GPR155: variants seen among roughly 807,000 people sequenced by gnomAD.
GPR155 encodes the protein lysosomal cholesterol signaling protein.
A neutral mutation model predicts 93.1 loss-of-function variants in GPR155; 65 were observed. The ratio of observed to expected loss-of-function variants is 0.70; its 90% CI spans 0.57 to 0.86. GPR155 has a LOEUF of 0.86. Ranked by LOEUF, GPR155 falls within the 40% of genes least tolerant of loss-of-function variation. GPR155 has a pLI of 0.00. For synonymous variants in GPR155, 319 were observed against 360.1 expected (o/e 0.89, Z 1.29); for missense variants, 838 against 1,034.8 (o/e 0.81, Z 2.61).
intron 10 of GPR155, 32 bp from the exon 11 acceptor site, chr2:174,453,873 G>C: frequency 7.2e-7 from 1 of 1,395,200 alleles, no homozygotes; most frequent in Non-Finnish European, 1.0e-6. Context: ...TGAGAGTAGA[G>C]CCCAACCACA....
chr2:174,448,530 G>GTTTTTTTTTTT (rs565221876), intron 11 of GPR155, among the ~76,000 whole-genome samples: 1 of 100,964 alleles, frequency 9.9e-6, no homozygotes, highest in African/African-American at 4.1e-5. Flanking sequence ...TTTGTTTTTT[G>GTTTTTTTTTTT]TTTTTTTTTT....
intron 10 of GPR155, among the ~76,000 whole-genome samples, chr2:174,457,722 T>C (rs925984567): frequency 1.3e-5 from 2 of 152,178 alleles, no homozygotes; most frequent in African/African-American, 4.8e-5. Context: ...CCCAAAGTTC[T>C]GGGATTAGAG....
intron 15 of GPR155, among the ~76,000 whole-genome samples, chr2:174,437,582 T>C (rs1028523897): frequency 7.7e-6 from 1 of 129,058 alleles, no homozygotes; most frequent in Non-Finnish European, 1.7e-5. Context: ...AACACCTTTT[T>C]TTTTTTTTTT....
At position 174,440,010 on chromosome 2, in the gene GPR155, C is replaced by T; in HGVS notation, c.2200G>A (p.Asp734Asn). 6.2e-7 allele frequency: 1 copy of T among 1,610,472 alleles called. No homozygotes were observed. The highest frequency in any genetic ancestry group is 8.5e-7 in the Non-Finnish European group (1 of 1,178,460). Residue 734 changes from aspartate to asparagine, a missense_variant, in exon 15 of 16, where the codon GAC becomes AAC. Physicochemically the swap from Asp to Asn is conservative, Grantham distance 23 (BLOSUM62 1). Coordinates refer to ENST00000392552, the MANE Select transcript of GPR155 (RefSeq NM_152529.7). ...RRLEFLWNNKDTAENRDSPVS... is the reference protein window; with the variant it reads ...RRLEFLWNNKNTAENRDSPVS... ...GGAGAATCCCTGTTTTCTGCTGTGT[C>T]TTTATTGTTCCATAGGAATTCAAGT...
At chr2:174,441,415 T>A (rs896965505) in intron 14 of GPR155, among the ~76,000 whole-genome samples, 58 of 151,312 alleles carry the variant, frequency 3.8e-4, no homozygotes, top group Non-Finnish European at 8.1e-4. Flanking sequence ...TATATATATT[T>A]AAAAAATTTT....
chr2:174,454,647 A>G (rs1687436192), intron 10 of GPR155, among the ~76,000 whole-genome samples: 1 of 131,024 alleles, frequency 7.6e-6, no homozygotes, highest in African/African-American at 2.9e-5. Context: ...GGAAGGAAGG[A>G]GGGAGGGAAG....
Position 174,439,244 on chromosome 2 carries a change from ATTTTG to A in GPR155, c.2312+649_2312+653del, listed in dbSNP as rs1351709670. Among the ~76,000 whole-genome samples the A allele has an allele frequency of 6.6e-5, 10 of 152,184 alleles. No individual in the cohort carries two copies. In the East Asian group the frequency reaches 7.7e-4, roughly 12 times the overall value. ...GACATAAAAGTATTTGGTTCTTTAT[ATTTTG>A]TTTTGTTTTCTCTTTTATGACAAAG... On this transcript the variant is annotated intron_variant, in intron 15 of 15. Coordinates refer to ENST00000392552, the MANE Select transcript of GPR155 (RefSeq NM_152529.7).
At chr2:174,448,530 GTTTTT>G (rs565221876) in intron 11 of GPR155, among the ~76,000 whole-genome samples, 1,261 of 100,958 alleles carry the variant, frequency 0.012, 20 homozygotes, top group African/African-American at 0.04. Context: ...TTTGTTTTTT[GTTTTT>G]TTTTTTTTTT....
chr2:174,462,256 G>T (rs1026949751), intron 7 of GPR155, among the ~76,000 whole-genome samples: 2 of 151,946 alleles, frequency 1.3e-5, no homozygotes, highest in African/African-American at 4.8e-5. Flanking sequence ...CTCTCCAAAA[G>T]CCCTAATCAT....
At chr2:174,451,341 A>G (rs368444868) in intron 11 of GPR155, among the ~76,000 whole-genome samples, 1 of 151,972 alleles carries the variant, frequency 6.6e-6, no homozygotes, top group African/African-American at 2.4e-5. Flanking sequence ...TTATACAGAT[A>G]TTACAAAAAT....
intron 1 of GPR155, among the ~76,000 whole-genome samples, chr2:174,482,406 T>A (rs1039060499): frequency 3.3e-5 from 5 of 152,150 alleles, no homozygotes; most frequent in Admixed American, 3.3e-4. Flanking sequence ...TCCCCATGCA[T>A]CCAAATTCTC....
chr2:174,437,886 T>C (rs372768179), intron 15 of GPR155, among the ~76,000 whole-genome samples: 5 of 151,570 alleles, frequency 3.3e-5, no homozygotes, highest in African/African-American at 1.2e-4. Flanking sequence ...GCCTGGCCTA[T>C]AGCCTGACAC....
At position 174,455,818 on chromosome 2, in the gene GPR155, C is replaced by T. The variant is rs118011195; in HGVS notation, c.1772-1977G>A. On this transcript the variant is annotated intron_variant, in intron 10 of 15. Coordinates refer to ENST00000392552, the MANE Select transcript of GPR155 (RefSeq NM_152529.7). ...TGACAAAGAGAACAAGTGCTGTCCA[C>T]GTATTCAGAAAGAGACGTAAATAAT... Among the ~76,000 whole-genome samples the T allele has an allele frequency of 2.0e-3, 307 of 152,254 alleles. 7 individuals carry two copies. The South Asian group carries it at 0.04, about 20-fold the overall frequency.
chr2:174,473,625 A>C (rs1054463519), intron 2 of GPR155, among the ~76,000 whole-genome samples: 5 of 152,370 alleles, frequency 3.3e-5, no homozygotes, highest in Non-Finnish European at 7.3e-5. Context: ...TAAGGGTTAA[A>C]ATTAGTCTCC....
intron 1 of GPR155, among the ~76,000 whole-genome samples, chr2:174,482,336 C>T (rs1198157572): frequency 2.6e-5 from 4 of 152,158 alleles, no homozygotes; most frequent in Non-Finnish European, 5.9e-5. Flanking sequence ...TGATTCTCTC[C>T]ATCAATTGAG....
At chr2:174,483,316 TAA>T (rs1447945835) in intron 1 of GPR155, among the ~76,000 whole-genome samples, 3 of 152,222 alleles carry the variant, frequency 2.0e-5, no homozygotes, top group African/African-American at 7.2e-5. Context: ...TAAAGTATTA[TAA>T]GTTTTCCACT....
intron 2 of GPR155, among the ~76,000 whole-genome samples, chr2:174,476,811 C>CT (rs985391365): frequency 2.0e-5 from 3 of 152,170 alleles, no homozygotes; most frequent in East Asian, 1.9e-4. Context: ...TTAATATCTC[C>CT]TTTTTTTACC....
At chr2:174,468,076 T>C (rs1363557478) in intron 5 of GPR155, among the ~76,000 whole-genome samples, 8 of 152,204 alleles carry the variant, frequency 5.3e-5, no homozygotes, top group African/African-American at 1.7e-4. Flanking sequence ...CCATTCTACC[T>C]ACGTATTGGC....
intron 2 of GPR155, among the ~76,000 whole-genome samples, chr2:174,479,303 T>G (rs1017878570): frequency 3.9e-5 from 6 of 152,204 alleles, no homozygotes; most frequent in Non-Finnish European, 7.3e-5. Context: ...TTTTATGGAA[T>G]ATTTTAGAGG....
Sources: allele counts gnomAD v4.1 joint callset (sites outside exome capture counted in the v4.1 genomes callset), GRCh38; gene constraint gnomAD v4.1.1; transcripts MANE v1.5; gene names NCBI Gene and HGNC (gene_info 2026-07-23, HGNC 2026-07-21).